Variants in ADAMTSL1 observed in about 807,000 individuals in gnomAD.
ADAMTSL1 encodes ADAMTS-like protein 1.
In ADAMTSL1, 126 loss-of-function variants were observed where a neutral mutation model predicts 201.8. The ratio of observed to expected loss-of-function variants is 0.62; its 90% CI spans 0.54 to 0.72. The LOEUF is 0.72. ADAMTSL1 is among the 30% of genes least tolerant of loss of function. The probability of loss-of-function intolerance (pLI) is 0.00; values close to 1 mark genes in which losing one functional copy is unlikely to be tolerated. For synonymous variants in ADAMTSL1, 1,121 were observed against 903.4 expected (o/e 1.24, Z -4.32); for missense variants, 2,679 against 2,277.8 (o/e 1.18, Z -3.59).
chr9:18,473,347 C>G (rs1004062229), upstream of ADAMTSL1, among the ~76,000 whole-genome samples: 1 of 152,116 alleles, frequency 6.6e-6, no homozygotes, highest in African/African-American at 2.4e-5. Flanking sequence ...AATTTCAGCC[C>G]CACTCATCCT....
At chr9:18,783,276 TAG>T (rs981646395) in intron 19 of ADAMTSL1, among the ~76,000 whole-genome samples, 5 of 152,182 alleles carry the variant, frequency 3.3e-5, no homozygotes, top group African/African-American at 1.2e-4. Context: ...CTCCAACTGG[TAG>T]AATACTTCTC....
intron 2 of ADAMTSL1, among the ~76,000 whole-genome samples, chr9:18,353,150 G>T (rs998463933): frequency 6.6e-6 from 1 of 152,206 alleles, no homozygotes; most frequent in Non-Finnish European, 1.5e-5. Context: ...GGGCACAAGG[G>T]AGGCCCTGAG....
intron 1 of ADAMTSL1, among the ~76,000 whole-genome samples, chr9:18,485,476 A>G (rs1488868070): frequency 6.6e-6 from 1 of 152,230 alleles, no homozygotes; most frequent in East Asian, 1.9e-4. Flanking sequence ...CACAGGCACC[A>G]AAGTTTTTAA....
chr9:18,397,675 T>C (rs966241935), intron 2 of ADAMTSL1, among the ~76,000 whole-genome samples: 9 of 152,200 alleles, frequency 5.9e-5, no homozygotes, highest in African/African-American at 2.2e-4. Flanking sequence ...CATTGGATTA[T>C]AGGACATACC....
intron 2 of ADAMTSL1, among the ~76,000 whole-genome samples, chr9:18,370,280 CAA>C (rs777805758): frequency 6.3e-5 from 8 of 127,044 alleles, no homozygotes; most frequent in Admixed American, 1.6e-4. Context: ...GACTCCATCT[CAA>C]AAAAAAAAAA....
At chr9:18,047,827 A>G (rs544878946) in intron 1 of ADAMTSL1, among the ~76,000 whole-genome samples, 27 of 152,232 alleles carry the variant, frequency 1.8e-4, no homozygotes, top group Non-Finnish European at 3.2e-4. Context: ...GTCTGGGGAA[A>G]AAGATGAGTT....
intron 2 of ADAMTSL1, among the ~76,000 whole-genome samples, chr9:18,518,977 A>G (rs1818525938): frequency 6.6e-6 from 1 of 152,170 alleles, no homozygotes; most frequent in African/African-American, 2.4e-5. Flanking sequence ...CTAGAACTTT[A>G]AAATGCTGGC....
chr9:18,612,723 C>T (rs182352383), intron 4 of ADAMTSL1, among the ~76,000 whole-genome samples: 25 of 152,122 alleles, frequency 1.6e-4, no homozygotes, highest in Middle Eastern at 6.8e-3. Flanking sequence ...AATTAATTCA[C>T]GATGGATTAA....
chr9:18,490,563 G>T (rs1234608142), intron 1 of ADAMTSL1, among the ~76,000 whole-genome samples: 1 of 152,106 alleles, frequency 6.6e-6, no homozygotes, highest in Admixed American at 6.5e-5. Context: ...ACGTAGATTT[G>T]TAAATCACAT....
chr9:18,424,701 G>T (rs1819124700), intron 2 of ADAMTSL1, among the ~76,000 whole-genome samples: 1 of 152,128 alleles, frequency 6.6e-6, no homozygotes, highest in Non-Finnish European at 1.5e-5. Flanking sequence ...GCTTTGCATT[G>T]TCTTTCTGGT....
chr9:18,636,518 C>G (rs2132779043), intron 6 of ADAMTSL1, among the ~76,000 whole-genome samples: 1 of 152,228 alleles, frequency 6.6e-6, no homozygotes, highest in African/African-American at 2.4e-5. Flanking sequence ...AATTAAGCAT[C>G]CCATGTTTTA....
intron 1 of ADAMTSL1, among the ~76,000 whole-genome samples, chr9:18,008,466 G>A (rs1445112936): frequency 2.6e-5 from 4 of 151,956 alleles, no homozygotes; most frequent in African/African-American, 9.7e-5. Context: ...GCTTGAGTAA[G>A]TTAGGACAGG....
At chr9:18,424,596 C>G (rs572683787) in intron 2 of ADAMTSL1, among the ~76,000 whole-genome samples, 1 of 152,102 alleles carries the variant, frequency 6.6e-6, no homozygotes, top group African/African-American at 2.4e-5. Flanking sequence ...AATAAAAACA[C>G]CAAACATATA....
intron 2 of ADAMTSL1, among the ~76,000 whole-genome samples, chr9:18,286,506 T>A (rs1832997868): frequency 6.6e-6 from 1 of 152,170 alleles, no homozygotes; most frequent in African/African-American, 2.4e-5. Flanking sequence ...TATAGCCCTG[T>A]AATAAACAGA....
chr9:18,360,713 A>G (rs1027178403), intron 2 of ADAMTSL1: 2 of 152,192 alleles, frequency 1.3e-5, no homozygotes, highest in African/African-American at 4.8e-5. Flanking sequence ...GAAACACTGC[A>G]CTTAATGAAT....
intron 2 of ADAMTSL1, among the ~76,000 whole-genome samples, chr9:18,410,454 T>G (rs2133309347): frequency 6.6e-6 from 1 of 152,284 alleles, no homozygotes; most frequent in South Asian, 2.1e-4. Flanking sequence ...CATCTCCCAC[T>G]TACAAGTGAG....
chr9:18,908,591 A>T lies in ADAMTSL1; in HGVS notation c.*43A>T. ...AAACTCTACCCTGGCCACACGAAGGACTCACGCAACCACCTCGGACAGAAC... is the reference window on the plus strand; with the variant it reads ...AAACTCTACCCTGGCCACACGAAGGTCTCACGCAACCACCTCGGACAGAAC... On this transcript the variant is annotated 3_prime_UTR_variant, in exon 29 of 29. Coordinates refer to ENST00000380548, the MANE Select transcript of ADAMTSL1 (RefSeq NM_001040272.6). The T allele has an allele frequency of 6.8e-7, 1 of 1,460,212 alleles. No individual in the cohort carries two copies. Among genetic ancestry groups the T allele is most frequent in the South Asian group, 1.2e-5 (1 of 80,454 alleles). The allele number at this position is 1,460,212 out of a possible 1,614,324, so 90.5% of individuals were successfully genotyped here. A position where few individuals can be genotyped will look rare whatever the true frequency, so the allele number is the denominator to read the frequency against.
intron 2 of ADAMTSL1, chr9:18,362,355 G>A (rs1836565577): frequency 6.6e-6 from 1 of 152,236 alleles, no homozygotes; most frequent in South Asian, 2.1e-4. Flanking sequence ...TAGTATTGCA[G>A]TAATGCAGAA....
chr9:18,569,991 A>G (rs1475186989), intron 3 of ADAMTSL1, among the ~76,000 whole-genome samples: 1 of 152,186 alleles, frequency 6.6e-6, no homozygotes, highest in Non-Finnish European at 1.5e-5. Context: ...CCAAAAGCTG[A>G]TATTTCAAAG....
Sources: allele counts gnomAD v4.1 joint callset (sites outside exome capture counted in the v4.1 genomes callset), GRCh38; gene constraint gnomAD v4.1.1; transcripts MANE v1.5; gene names NCBI Gene and HGNC (gene_info 2026-07-23, HGNC 2026-07-21).